The following DLG2 variants were observed in gnomAD, a reference collection of about 807,000 sequenced individuals.
DLG2 encodes the protein discs large MAGUK scaffold protein 2.
In DLG2, 45 loss-of-function variants were observed where a neutral mutation model predicts 132.5. The observed-to-expected ratio is 0.34, with a 90% CI of 0.27 to 0.44. The LOEUF is 0.44. Among genes scored for constraint, DLG2 ranks in the 20% least tolerant of loss-of-function variants. The probability of loss-of-function intolerance (pLI) is 1.00; values close to 1 mark genes in which losing one functional copy is unlikely to be tolerated. For missense variants in DLG2, 1,045 were observed against 1,196.9 expected, an observed-to-expected ratio of 0.87 and a Z score of 1.87; for synonymous variants, 424 against 419.6, an observed-to-expected ratio of 1.01 and a Z score of -0.13.
intron 8 of DLG2, among the ~76,000 whole-genome samples, chr11:84,165,797 C>A (rs1221772797): frequency 6.6e-6 from 1 of 152,108 alleles, no homozygotes; most frequent in Non-Finnish European, 1.5e-5. Context: ...ACTTCAGAGG[C>A]TGAGGCAGAA....
At chr11:83,748,725 A>G (rs1013989915) in intron 18 of DLG2, among the ~76,000 whole-genome samples, 7 of 152,244 alleles carry the variant, frequency 4.6e-5, no homozygotes, top group African/African-American at 1.7e-4. Context: ...GTCCATTAGT[A>G]TATAGTTTAA....
At chr11:84,806,170 C>G (rs1291225319) in intron 6 of DLG2, among the ~76,000 whole-genome samples, 1 of 151,964 alleles carries the variant, frequency 6.6e-6, no homozygotes, top group Non-Finnish European at 1.5e-5. Flanking sequence ...ACAAGAGCCT[C>G]AGGGATCTGT....
At chr11:83,790,955 A>T (rs2041372508) in intron 17 of DLG2, 1 of 959,714 alleles carries the variant, frequency 1.0e-6, no homozygotes, top group Non-Finnish European at 1.6e-6. Context: ...CGACAGGCAC[A>T]TGTTCATCCA....
chr11:84,105,936 T>C (rs1161831946), intron 9 of DLG2, among the ~76,000 whole-genome samples: 1 of 152,124 alleles, frequency 6.6e-6, no homozygotes, highest in Admixed American at 6.6e-5. Context: ...ATATAGTTTA[T>C]ACTACAAAAC....
chr11:85,437,311 T>TAAAAAA (rs111269575), intron 3 of DLG2, among the ~76,000 whole-genome samples: 1 of 127,278 alleles, frequency 7.9e-6, no homozygotes, highest in African/African-American at 2.9e-5. Flanking sequence ...GAACTTAAAG[T>TAAAAAA]AAAAAAAAAA....
At chr11:85,155,981 T>C (rs75021312) in intron 4 of DLG2, among the ~76,000 whole-genome samples, 3,719 of 152,238 alleles carry the variant, frequency 0.024, 158 homozygotes, top group African/African-American at 0.085. Flanking sequence ...CTGGGAGAAC[T>C]TCCTCACCAA....
intron 8 of DLG2, among the ~76,000 whole-genome samples, chr11:84,250,840 C>G (rs1267100291): frequency 6.6e-6 from 1 of 152,154 alleles, no homozygotes; most frequent in Non-Finnish European, 1.5e-5. Flanking sequence ...CCAATAAAAT[C>G]CATAAAAATA....
intron 3 of DLG2, among the ~76,000 whole-genome samples, chr11:85,489,346 T>C (rs951392105): frequency 6.6e-6 from 1 of 152,068 alleles, no homozygotes; most frequent in African/African-American, 2.4e-5. Context: ...AGGTATCAAC[T>C]CAGCAAGAGG....
intron 3 of DLG2, among the ~76,000 whole-genome samples, chr11:85,596,889 A>G (rs1454403710): frequency 6.6e-6 from 1 of 152,232 alleles, no homozygotes; most frequent in Non-Finnish European, 1.5e-5. Context: ...ATTGAATTCA[A>G]AAGAAAATTA....
At chr11:83,730,920 A>G (rs569587670) in intron 18 of DLG2, among the ~76,000 whole-genome samples, 1 of 152,300 alleles carries the variant, frequency 6.6e-6, no homozygotes, top group South Asian at 2.1e-4. Flanking sequence ...TATTTCCAAT[A>G]AGGGGGCCTT....
chr11:85,125,250 T>C (rs2074948081), intron 5 of DLG2, among the ~76,000 whole-genome samples: 1 of 152,204 alleles, frequency 6.6e-6, no homozygotes, highest in African/African-American at 2.4e-5. Flanking sequence ...TAAAGGACAA[T>C]ACTCTCAGTC....
At chr11:83,602,530 G>A (rs2153380014) in intron 19 of DLG2, among the ~76,000 whole-genome samples, 1 of 152,330 alleles carries the variant, frequency 6.6e-6, no homozygotes, top group African/African-American at 2.4e-5. Flanking sequence ...CCTCCCTGCA[G>A]GAGAAAACGT....
chr11:84,828,561 C>T (rs1599070491), intron 6 of DLG2, among the ~76,000 whole-genome samples: 1 of 151,774 alleles, frequency 6.6e-6, no homozygotes, highest in African/African-American at 2.4e-5. Context: ...ACTTTACTCT[C>T]TTGTTACCAC....
At chr11:84,864,079 C>G (rs1026534277) in intron 6 of DLG2, among the ~76,000 whole-genome samples, 1 of 152,152 alleles carries the variant, frequency 6.6e-6, no homozygotes, top group Admixed American at 6.5e-5. Context: ...ATATATTGGA[C>G]AGGTTACATA....
chr11:85,400,590 T>C (rs1428517716), intron 3 of DLG2, among the ~76,000 whole-genome samples: 15 of 145,880 alleles, frequency 1.0e-4, no homozygotes, highest in Admixed American at 3.4e-4. Context: ...CACCATGGAA[T>C]ACTATGCAGC....
chr11:83,743,429 ATTTTT>A (rs35572754), intron 18 of DLG2, among the ~76,000 whole-genome samples: 24 of 103,788 alleles, frequency 2.3e-4, no homozygotes, highest in South Asian at 3.1e-4. Flanking sequence ...TGGGCAGGCC[ATTTTT>A]TTTTTTTTTT....
At chr11:84,033,222 T>C (rs1295025275) in intron 11 of DLG2, among the ~76,000 whole-genome samples, 1 of 152,194 alleles carries the variant, frequency 6.6e-6, no homozygotes, top group African/African-American at 2.4e-5. Flanking sequence ...GTAAAGTAAA[T>C]TGACAATCTT....
At chr11:84,069,942 T>C (rs1462642791) in intron 10 of DLG2, among the ~76,000 whole-genome samples, 17 of 152,326 alleles carry the variant, frequency 1.1e-4, no homozygotes, top group Admixed American at 7.2e-4. Context: ...ACAGGACTGC[T>C]TGTCAACTTT....
Position 84,664,548 on chromosome 11 carries a change from G to A in DLG2, c.358-129817C>T, listed in dbSNP as rs147296607. Among the ~76,000 whole-genome samples, 155 of 152,184 alleles carry A rather than the reference G, an allele frequency of 1.0e-3. 2 individuals carry two copies. The East Asian group carries it at 0.017, about 17-fold the overall frequency. On this transcript the variant is annotated intron_variant, in intron 6 of 27. Coordinates refer to ENST00000376104, the MANE Select transcript of DLG2 (RefSeq NM_001142699.3). The stretch of plus-strand genomic sequence containing the variant: ...ATTCAAATCCAAATTACCACATATT[G>A]TAACATGTGGCAAAAGCCCCAGCTT...
Sources: gnomAD v4.1 joint callset for allele counts (sites outside exome capture counted in the v4.1 genomes callset) on GRCh38, gnomAD v4.1.1 for gene constraint, MANE v1.5 for transcripts, NCBI Gene and HGNC (gene_info 2026-07-23, HGNC 2026-07-21) for gene names.